The following CADM1 variants were observed in gnomAD, a reference collection of about 807,000 sequenced individuals.
CADM1 encodes cell adhesion molecule 1, also known as TSLC-1.
In CADM1, 15 loss-of-function variants were observed where a neutral mutation model predicts 53.1. That is an observed-to-expected ratio of 0.28 (90% CI 0.19 to 0.44). The LOEUF (loss-of-function observed/expected upper bound fraction) is 0.44. Among genes scored for constraint, CADM1 ranks in the 20% least tolerant of loss-of-function variants. The pLI is 1.00. For synonymous variants in CADM1, 281 were observed against 243.0 expected (o/e 1.16, Z -1.45); for missense variants, 434 against 611.3 (o/e 0.71, Z 3.06).
intron 3 of CADM1, among the ~76,000 whole-genome samples, chr11:115,238,194 C>A (rs887325941): frequency 6.6e-6 from 1 of 152,104 alleles, no homozygotes; most frequent in Non-Finnish European, 1.5e-5. Flanking sequence ...AAAAAAATCC[C>A]GGTAGTTAGA....
chr11:115,484,494 G>A (rs1001720969), intron 1 of CADM1, among the ~76,000 whole-genome samples: 8 of 152,130 alleles, frequency 5.3e-5, no homozygotes, highest in South Asian at 2.1e-4. Flanking sequence ...AAGGATAGTC[G>A]TGAGGTTTAT....
At chr11:115,301,424 AC>A (rs1461784234) in intron 1 of CADM1, among the ~76,000 whole-genome samples, 1 of 152,092 alleles carries the variant, frequency 6.6e-6, no homozygotes, top group African/African-American at 2.4e-5. Flanking sequence ...CAGTCCTCTT[AC>A]TAGTCTTACT....
intron 1 of CADM1, among the ~76,000 whole-genome samples, chr11:115,432,296 T>A (rs1161747190): frequency 1.3e-5 from 2 of 152,180 alleles, no homozygotes; most frequent in Non-Finnish European, 2.9e-5. Context: ...GAGGGCCAAG[T>A]CTGCTTTCGC....
intron 1 of CADM1, among the ~76,000 whole-genome samples, chr11:115,404,360 T>A (rs1477037513): frequency 0.032 from 846 of 26,480 alleles, 44 homozygotes; most frequent in Admixed American, 0.063. Context: ...TATATATATA[T>A]ATATATATAT....
intron 1 of CADM1, among the ~76,000 whole-genome samples, chr11:115,473,374 A>T (rs1335590923): frequency 6.6e-6 from 1 of 152,110 alleles, no homozygotes; most frequent in Non-Finnish European, 1.5e-5. Context: ...CGGGAGGTTC[A>T]CTTGGGCCCA....
rs908060393 is a variant in CADM1 at position 115,291,668 on chromosome 11, C to G, written c.125-51248G>C. On this transcript the variant is annotated intron_variant, in intron 1 of 11. Transcript: ENST00000331581. ...CACACTTCCATAATATTCCACTGCC[C>G]AGGCCTATAAATTAGCATTGCTGTA... is the stretch of plus-strand genomic sequence containing the variant. Among the ~76,000 whole-genome samples the G allele has an allele frequency of 2.6e-5, 4 of 152,226 alleles. No homozygotes were observed. The South Asian group carries it at 6.2e-4, about 24-fold the overall frequency.
chr11:115,257,207 T>G (rs1005265957), intron 1 of CADM1, among the ~76,000 whole-genome samples: 5 of 152,194 alleles, frequency 3.3e-5, no homozygotes, highest in Non-Finnish European at 5.9e-5. Flanking sequence ...GGCTACTTGC[T>G]GTTCTATTCA....
At chr11:115,410,362 A>G (rs1227085453) in intron 1 of CADM1, among the ~76,000 whole-genome samples, 2 of 152,220 alleles carry the variant, frequency 1.3e-5, no homozygotes, top group East Asian at 1.9e-4. Context: ...TGAGATTTCA[A>G]TAACGTAACT....
chr11:115,425,638 G>A (rs1435342440), intron 1 of CADM1, among the ~76,000 whole-genome samples: 1 of 152,176 alleles, frequency 6.6e-6, no homozygotes, highest in Admixed American at 6.5e-5. Context: ...TGCAACATAG[G>A]TTTGTGGGAT....
At chr11:115,224,163 G>A (rs1941512974) in intron 5 of CADM1, among the ~76,000 whole-genome samples, 1 of 152,046 alleles carries the variant, frequency 6.6e-6, no homozygotes, top group Non-Finnish European at 1.5e-5. Context: ...CTGATTTCCA[G>A]GTTTTCCTCT....
At chr11:115,197,124 T>C (rs1314419898) in intron 9 of CADM1, among the ~76,000 whole-genome samples, 1 of 152,154 alleles carries the variant, frequency 6.6e-6, no homozygotes, top group Non-Finnish European at 1.5e-5. Flanking sequence ...CCCAAGTTCG[T>C]TTTGCTTTCT....
intron 1 of CADM1, among the ~76,000 whole-genome samples, chr11:115,494,041 C>T (rs770735505): frequency 2.0e-5 from 3 of 152,014 alleles, no homozygotes; most frequent in Non-Finnish European, 4.4e-5. Flanking sequence ...TGTCTTTATT[C>T]TTAGGCGCTA....
At chr11:115,341,198 C>T (rs1945437813) in intron 1 of CADM1, among the ~76,000 whole-genome samples, 1 of 152,126 alleles carries the variant, frequency 6.6e-6, no homozygotes, top group South Asian at 2.1e-4. Context: ...CCTCCTAGGT[C>T]ATTATCAGTT....
chr11:115,330,725 C>T (rs938410949), intron 1 of CADM1, among the ~76,000 whole-genome samples: 9 of 152,118 alleles, frequency 5.9e-5, no homozygotes, highest in Middle Eastern at 3.2e-3. Context: ...CGCATGTAGA[C>T]GTCTTTGCAG....
intron 1 of CADM1, among the ~76,000 whole-genome samples, chr11:115,274,216 G>A (rs946846265): frequency 6.6e-6 from 1 of 152,192 alleles, no homozygotes; most frequent in Non-Finnish European, 1.5e-5. Context: ...CTGTTCAAAT[G>A]GAAACACAGA....
chr11:115,327,999 C>T (rs976457386), intron 1 of CADM1, among the ~76,000 whole-genome samples: 2 of 151,836 alleles, frequency 1.3e-5, no homozygotes, highest in African/African-American at 2.4e-5. Context: ...TCAGCTCTAC[C>T]GCTCTACAAA....
intron 5 of CADM1, among the ~76,000 whole-genome samples, chr11:115,221,862 C>T (rs375090971): frequency 6.6e-5 from 10 of 152,224 alleles, no homozygotes; most frequent in East Asian, 5.8e-4. Flanking sequence ...GACATGCCAG[C>T]GGGAGACCTA....
Position 115,175,641 on chromosome 11 carries a change from C to A in CADM1, c.*833G>T. The A allele has an allele frequency of 1.0e-6, 1 of 985,650 alleles. No individual in the cohort carries two copies. Among genetic ancestry groups the A allele is most frequent in the South Asian group, 4.7e-5 (1 of 21,278 alleles). 61.1% of individuals were successfully genotyped at this position (985,650 alleles called of 1,614,324 possible). A position where few individuals can be genotyped will look rare whatever the true frequency, so the allele number is the denominator to read the frequency against. On this transcript the variant is annotated 3_prime_UTR_variant, in exon 12 of 12. Coordinates refer to ENST00000331581, the MANE Select transcript of CADM1 (RefSeq NM_001301043.2). ...TGGAAAAAGGAGGAGTCCTTTCTGC[C>A]CCAAACCTTTCTGGACAGCGTAGGG... is the stretch of plus-strand genomic sequence containing the variant.
chr11:115,345,210 A>G (rs1312174336), intron 1 of CADM1, among the ~76,000 whole-genome samples: 1 of 152,070 alleles, frequency 6.6e-6, no homozygotes, highest in Non-Finnish European at 1.5e-5. Context: ...GCTAAATTAG[A>G]CTCTTAACCA....
Sources: gnomAD v4.1 joint callset for allele counts (sites outside exome capture counted in the v4.1 genomes callset) on GRCh38, gnomAD v4.1.1 for gene constraint, MANE v1.5 for transcripts, NCBI Gene and HGNC (gene_info 2026-07-23, HGNC 2026-07-21) for gene names.